The following QTGAL variants were observed in gnomAD, a reference collection of about 807,000 sequenced individuals.
QTGAL encodes BGnT-like protein 1.
the QTGAL span, among the ~76,000 whole-genome samples, chr17:82,950,728 C>T: frequency 2.6e-5 from 4 of 152,316 alleles, no homozygotes; most frequent in East Asian, 1.9e-4. Flanking sequence ...CACAAAAACA[C>T]GAACCCCTCG....
chr17:83,016,158 G>A, the QTGAL span, among the ~76,000 whole-genome samples: 1 of 152,092 alleles, frequency 6.6e-6, no homozygotes. Flanking sequence ...TTCTGTGGGT[G>A]TATTCTATCT....
At chr17:83,048,601 C>A in the QTGAL span, 1 of 1,607,762 alleles carries the variant, frequency 6.2e-7, no homozygotes, top group Non-Finnish European at 8.5e-7. Context: ...GGTCAGGAAA[C>A]TTCCCTCCGA....
the QTGAL span, among the ~76,000 whole-genome samples, chr17:82,956,471 T>C: frequency 6.6e-6 from 1 of 152,166 alleles, no homozygotes; most frequent in Non-Finnish European, 1.5e-5. The surrounding 1 kb of genome is among the most constrained non-coding windows in gnomAD (Gnocchi z 5.7). Flanking sequence ...CCCACACCCA[T>C]GCAGGCCACC....
chr17:82,950,388 G>A, the QTGAL span, among the ~76,000 whole-genome samples: 13,315 of 152,292 alleles, frequency 0.087, 808 homozygotes, highest in South Asian at 0.24. Flanking sequence ...GAGACGTGGA[G>A]TGGGCATGCT....
the QTGAL span, among the ~76,000 whole-genome samples, chr17:83,028,964 G>C: frequency 2.0e-5 from 3 of 152,178 alleles, no homozygotes; most frequent in Admixed American, 6.5e-5. Flanking sequence ...CGGCTGAGTG[G>C]AAAGAGAAAC....
the QTGAL span, among the ~76,000 whole-genome samples, chr17:82,995,427 G>A: frequency 6.7e-6 from 1 of 149,838 alleles, no homozygotes; most frequent in African/African-American, 2.5e-5. Context: ...CTGTCACCCA[G>A]GCTGGAGTGC....
At chr17:82,959,116 CTGTG>C in the QTGAL span, among the ~76,000 whole-genome samples, 28 of 145,538 alleles carry the variant, frequency 1.9e-4, no homozygotes, top group Middle Eastern at 3.9e-3. Flanking sequence ...TGTGTGTACA[CTGTG>C]TGGGGGTGTA....
chr17:82,963,993 A>G, the QTGAL span, among the ~76,000 whole-genome samples: 2 of 138,344 alleles, frequency 1.4e-5, no homozygotes, highest in Non-Finnish European at 3.0e-5. Context: ...GTGGTGGCTC[A>G]TGCCTTTAAT....
At chr17:83,051,651 C>G in the QTGAL span, 309 of 1,284,868 alleles carry the variant, frequency 2.4e-4, no homozygotes, top group Non-Finnish European at 3.0e-4. Context: ...GCTGCGAACC[C>G]CGGAGCGAGA....
chr17:83,047,476 CTATAATAAATCCCTACCAAAGAAT>C, the QTGAL span, among the ~76,000 whole-genome samples: 1 of 143,258 alleles, frequency 7.0e-6, no homozygotes, highest in African/African-American at 2.6e-5. Context: ...AAATTTAGGT[CTATAATAAATCCCTACCAAAGAAT>C]AAGAAACTTA....
At chr17:83,035,196 C>T in the QTGAL span, 4,744 of 978,846 alleles carry the variant, frequency 4.8e-3, 115 homozygotes, top group African/African-American at 0.067. Flanking sequence ...TTTTTTTTTT[C>T]GAGATGGAGT....
the QTGAL span, chr17:82,961,442 C>T: frequency 2.0e-6 from 1 of 508,728 alleles, no homozygotes; most frequent in Admixed American, 3.2e-5. Flanking sequence ...CCATTTTGAG[C>T]AGTAAAGGTC....
chr17:82,951,746 ATTAG>A, the QTGAL span, among the ~76,000 whole-genome samples: 1 of 114,782 alleles, frequency 8.7e-6, no homozygotes, highest in African/African-American at 3.4e-5. Flanking sequence ...CTGTGGGGTT[ATTAG>A]TTAACCTAAT....
the QTGAL span, among the ~76,000 whole-genome samples, chr17:83,031,299 A>G: frequency 6.7e-6 from 1 of 149,304 alleles, no homozygotes; most frequent in Non-Finnish European, 1.5e-5. Context: ...TCCAGCGGGG[A>G]AGGGTGTAAA....
the QTGAL span, among the ~76,000 whole-genome samples, chr17:83,009,918 C>T: frequency 2.8e-5 from 4 of 142,746 alleles, no homozygotes; most frequent in Admixed American, 7.1e-5. Context: ...TTGGAGTGAA[C>T]GACTTGCCGT....
chr17:83,004,762 C>T, the QTGAL span, among the ~76,000 whole-genome samples: 11,273 of 63,130 alleles, frequency 0.18, no homozygotes, highest in Middle Eastern at 0.21. Flanking sequence ...TCCCACCCTC[C>T]GCAGTCCGCG....
chr17:83,023,323 C>T, the QTGAL span, among the ~76,000 whole-genome samples: 1 of 150,640 alleles, frequency 6.6e-6, no homozygotes, highest in African/African-American at 2.5e-5. Context: ...CCCCGCCCCA[C>T]CTGCACCAGC....
the QTGAL span, among the ~76,000 whole-genome samples, chr17:82,973,769 C>A: frequency 6.6e-6 from 1 of 152,340 alleles, no homozygotes; most frequent in South Asian, 2.1e-4. Flanking sequence ...TTGAATCTTA[C>A]GAACAGTCGG....
the QTGAL span, among the ~76,000 whole-genome samples, chr17:83,022,072 A>G: frequency 7.9e-5 from 12 of 152,380 alleles, 1 homozygote; most frequent in South Asian, 2.3e-3. Context: ...CTCAATGTAA[A>G]AGATAAAAAT....
Sources: allele counts gnomAD v4.1 joint callset (sites outside exome capture counted in the v4.1 genomes callset), GRCh38; gene constraint gnomAD v4.1.1; non-coding constraint Gnocchi (gnomAD v3.1); transcripts MANE v1.5; gene names NCBI Gene and HGNC (gene_info 2026-07-23, HGNC 2026-07-21).